Variants in PLXNB1 observed in about 807,000 individuals in gnomAD.
The protein encoded by PLXNB1 is plexin-B1.
PLXNB1 carries 106 observed loss-of-function variants against 209.4 expected under a neutral mutation model. That is an observed-to-expected ratio of 0.51 (90% CI 0.43 to 0.59). The LOEUF is 0.59. PLXNB1 is among the 20% of genes least tolerant of loss of function. The probability of loss-of-function intolerance (pLI) is 0.00; values close to 1 mark genes in which losing one functional copy is unlikely to be tolerated. For missense variants in PLXNB1, 2,357 were observed against 2,853.2 expected (o/e 0.83, Z 3.96); for synonymous variants, 1,167 against 1,183.2 (o/e 0.99, Z 0.28).
Position 48,418,109 on chromosome 3 carries a change from GC to G in PLXNB1, c.3223-48del, listed in dbSNP as rs1280894782. On this transcript the variant is annotated intron_variant, in intron 15 of 37. Coordinates refer to ENST00000296440, the MANE Select transcript of PLXNB1 (RefSeq NM_001130082.3). This position sits in a 1 kb window ranked among gnomAD's most constrained non-coding sequence, Gnocchi z 6.6. ...TCACCTCTACTCAACTGGAAAGGCAGCCCCAACCTCCCACCTTTGGGCCCCC... is the reference window on the plus strand; with the variant it reads ...TCACCTCTACTCAACTGGAAAGGCAGCCCAACCTCCCACCTTTGGGCCCCC... 5 of 1,607,198 alleles carry G rather than the reference GC, an allele frequency of 3.1e-6. No homozygotes were observed. The highest frequency in any genetic ancestry group is 3.4e-6 in the Non-Finnish European group (4 of 1,175,586).
In PLXNB1 at chr3:48,413,966, G is replaced by C. The variant is rs1302106996; in HGVS notation, c.4315C>G (p.Pro1439Ala). 1 of 1,613,554 alleles carries C rather than the reference G, an allele frequency of 6.2e-7. No homozygotes were observed. The highest frequency in any genetic ancestry group is 8.5e-7 in the Non-Finnish European group (1 of 1,179,960). The change falls in exon 22 of 38, where the codon CCC becomes GCC. Residue 1439 changes from proline (P) to alanine (A), a missense_variant. Coordinates refer to ENST00000296440, the MANE Select transcript of PLXNB1 (RefSeq NM_001130082.3). This position sits in a 1 kb window ranked among gnomAD's most constrained non-coding sequence, Gnocchi z 5.4. The stretch of plus-strand genomic sequence containing the variant: ...CGTGGCAGGGGCTGCTCCACGGGGG[G>C]CTCGCAGTACAGGTGGTGCCGCGTC... The part of the protein sequence containing the change: ...TLTRHHLYCE[P>A]PVEQPLPRHH...
intron 7 of PLXNB1, 137 bp from the exon 8 acceptor site, chr3:48,421,521 T>C (rs1211640083): frequency 1.6e-6 from 2 of 1,212,628 alleles, no homozygotes; most frequent in African/African-American, 3.1e-5. Flanking sequence ...TGGCCTGAGT[T>C]AGAAATAGAT....
chr3:48,419,561 C>T lies in PLXNB1; in HGVS notation c.2709+16G>A. The stretch of plus-strand genomic sequence containing the variant: ...CATCCCCTCCCCTGAGGCCTCCTTC[C>T]TGGGCTGGGCCTCACCAGCTCCCAG... On this transcript the variant is annotated intron_variant, in intron 11 of 37. Transcript: ENST00000296440. The surrounding 1 kb of genome is among the most constrained non-coding windows in gnomAD (Gnocchi z 5.7). The T allele has an allele frequency of 1.9e-6, 3 of 1,594,762 alleles. No individual in the cohort carries two copies. Among genetic ancestry groups the T allele is most frequent in the Non-Finnish European group, 2.6e-6 (3 of 1,166,270 alleles).
At chr3:48,408,594 C>G (rs190246245) in intron 34 of PLXNB1, among the ~76,000 whole-genome samples, 1 of 152,272 alleles carries the variant, frequency 6.6e-6, no homozygotes, top group East Asian at 1.9e-4. Flanking sequence ...ACACATCCCT[C>G]AAACTGTGAC....
chr3:48,412,095 T>C, intron 27 of PLXNB1, 86 bp from the exon 28 acceptor site: 2 of 1,526,868 alleles, frequency 1.3e-6, no homozygotes, highest in Admixed American at 1.7e-5. Flanking sequence ...GGACAGGACA[T>C]GGGCTTAAGG....
intron 1 of PLXNB1, among the ~76,000 whole-genome samples, chr3:48,427,071 C>A (rs959067900): frequency 6.6e-6 from 1 of 152,212 alleles, no homozygotes; most frequent in African/African-American, 2.4e-5. Context: ...TCAGAGCCTA[C>A]TGCGTGCCAA....
intron 3 of PLXNB1, 139 bp downstream of exon 3, chr3:48,423,366 G>A (rs1039733535): frequency 8.6e-6 from 8 of 930,264 alleles, no homozygotes; most frequent in Admixed American, 2.5e-5. Flanking sequence ...GGCAACATAG[G>A]AAGCACTTAA....
Position 48,418,867 on chromosome 3 carries a change from T to C in PLXNB1, c.2955+50A>G, listed in dbSNP as rs1267457843. The C allele has an allele frequency of 5.0e-6, 8 of 1,608,268 alleles. No homozygotes were observed. Among genetic ancestry groups the C allele is most frequent in the Non-Finnish European group, 6.8e-6 (8 of 1,176,846 alleles). On this transcript the variant is annotated intron_variant, in intron 13 of 37. Transcript: ENST00000296440. The surrounding 1 kb of genome is among the most constrained non-coding windows in gnomAD (Gnocchi z 6.6). ...AGCCAGCTACAGTTGGCAGCCAGCC[T>C]GTGGCCAGTGCAGTGCACCCGTGCC...
chr3:48,415,399 C>A lies in PLXNB1; in HGVS notation c.3795-52G>T. 6.3e-7 allele frequency: 1 copy of A among 1,575,742 alleles called. No homozygotes were observed. The highest frequency in any genetic ancestry group is 8.7e-7 in the Non-Finnish European group (1 of 1,154,052). On this transcript the variant is annotated intron_variant, in intron 19 of 37. Coordinates refer to ENST00000296440, the MANE Select transcript of PLXNB1 (RefSeq NM_001130082.3). This position sits in a 1 kb window ranked among gnomAD's most constrained non-coding sequence, Gnocchi z 5.0. ...CGTAAGATGGCTTATGTTACCTGGA[C>A]CTAAAGCACAGCCCAGTCCCGGCTA...
In PLXNB1 at chr3:48,409,969, C is replaced by A; in HGVS notation, c.5714G>T (p.Gly1905Val). The change falls in exon 32 of 38, where the codon GGC becomes GTC. Residue 1905 changes from glycine to valine, a missense_variant. By Grantham distance (109) the Gly-to-Val change is moderately radical (BLOSUM62 -3). Coordinates refer to ENST00000296440, the MANE Select transcript of PLXNB1 (RefSeq NM_001130082.3). The surrounding 1 kb of genome is among the most constrained non-coding windows in gnomAD (Gnocchi z 5.8). ...PPRPRRGSLR[G>V]GERERAKAIP... ...GGCCTTGGCGCGCTCACGCTCCCCG[C>A]CCCGAAGGCTGCCCCTCCGAGGCCT... The A allele has an allele frequency of 6.2e-7, 1 of 1,612,726 alleles. No homozygotes were observed. The highest frequency in any genetic ancestry group is 8.5e-7 in the Non-Finnish European group (1 of 1,179,632).
intron 1 of PLXNB1, among the ~76,000 whole-genome samples, chr3:48,428,712 TGAG>T (rs1173007412): frequency 6.6e-6 from 1 of 152,004 alleles, no homozygotes; most frequent in East Asian, 1.9e-4. Context: ...TTCTGTGTGT[TGAG>T]GAGGGGTGGG....
Position 48,405,775 on chromosome 3 carries a change from C to T in PLXNB1, c.6252G>A (p.Ala2084=), listed in dbSNP as rs781248182. The change falls in exon 37 of 38, where the codon GCG becomes GCA. Residue 2084 remains alanine, a synonymous_variant. Transcript: ENST00000296440. This position sits in a 1 kb window ranked among gnomAD's most constrained non-coding sequence, Gnocchi z 5.0. ...LSWNYSGDLG[A]RVALHELYKY... is the part of the protein sequence containing the mutation. The stretch of plus-strand genomic sequence containing the variant: ...TGTAGAGTTCATGCAGGGCCACTCG[C>T]GCCCCGAGGTCTCCGGAGTAGTTCT... The T allele has an allele frequency of 1.5e-5, 25 of 1,613,540 alleles. No individual in the cohort carries two copies. The South Asian group carries it at 1.6e-4, about 11-fold the overall frequency.
At position 48,406,730 on chromosome 3, in the gene PLXNB1, C is replaced by A; in HGVS notation, c.6228+93G>T. 6.7e-7 allele frequency: 1 copy of A among 1,487,704 alleles called. No individual in the cohort carries two copies. Among genetic ancestry groups the A allele is most frequent in the Non-Finnish European group, 9.0e-7 (1 of 1,113,754 alleles). The allele number at this position is 1,487,704 out of a possible 1,614,324, so 92.2% of individuals were successfully genotyped here. A position where few individuals can be genotyped will look rare whatever the true frequency, so the allele number is the denominator to read the frequency against. On this transcript the variant is annotated intron_variant, in intron 36 of 37. Coordinates refer to ENST00000296440, the MANE Select transcript of PLXNB1 (RefSeq NM_001130082.3). This position sits in a 1 kb window ranked among gnomAD's most constrained non-coding sequence, Gnocchi z 4.4. ...CAGCTCACAGGGCTGCTGAGGTTCC[C>A]AAGGGCTTCCCTGCAAAGGGGCAGT... is the stretch of plus-strand genomic sequence containing the variant.
rs939967203 is a variant in PLXNB1 at position 48,413,251 on chromosome 3, C to T, written c.4536-82G>A. 18 of 1,092,510 alleles carry T rather than the reference C, an allele frequency of 1.6e-5. No individual in the cohort carries two copies. The highest frequency in any genetic ancestry group is 1.2e-4 in the African/African-American group (8 of 65,412). The allele number at this position is 1,092,510 out of a possible 1,614,324, so 67.7% of individuals were successfully genotyped here. On this transcript the variant is annotated intron_variant, in intron 23 of 37. Transcript: ENST00000296440. The surrounding 1 kb of genome is among the most constrained non-coding windows in gnomAD (Gnocchi z 5.4). Reference sequence around the variant, plus strand: ...TGCCTGACAATCCCCAGGCACACCCCGGCCTCATCCAGCACAGTCCAATGC... The same window carrying T: ...TGCCTGACAATCCCCAGGCACACCCTGGCCTCATCCAGCACAGTCCAATGC...
At position 48,419,999 on chromosome 3, in the gene PLXNB1, T is replaced by C; in HGVS notation, c.2287A>G (p.Ser763Gly). The change falls in exon 11 of 38, where the codon AGC becomes GGC. Residue 763 changes from serine to glycine, a missense_variant. Ser to Gly is a moderately conservative substitution (Grantham distance 56). Around this residue, in one of 7 missense-constraint regions of PLXNB1, gnomAD observed 410 missense variants for 401.0 expected, o/e 1.02. Transcript: ENST00000296440. The surrounding 1 kb of genome is among the most constrained non-coding windows in gnomAD (Gnocchi z 5.7). ...GCGGTTCCAGGTCCATTTTGGGGGC[T>C]GGGAGGGGAGGGCTCCTCATGGAGA... ...SPLHEEPSPP[S>G]PQNGPGTAVP... 6.3e-7 allele frequency: 1 copy of C among 1,575,520 alleles called. No individual in the cohort carries two copies. The highest frequency in any genetic ancestry group is 8.6e-7 in the Non-Finnish European group (1 of 1,157,996).
Position 48,406,739 on chromosome 3 carries a change from C to G in PLXNB1, c.6228+84G>C. On this transcript the variant is annotated intron_variant, in intron 36 of 37. Transcript: ENST00000296440. The surrounding 1 kb of genome is among the most constrained non-coding windows in gnomAD (Gnocchi z 4.4). Reference sequence around the variant, plus strand: ...GGGCTGCTGAGGTTCCCAAGGGCTTCCCTGCAAAGGGGCAGTGTGAAGGGG... The same window carrying G: ...GGGCTGCTGAGGTTCCCAAGGGCTTGCCTGCAAAGGGGCAGTGTGAAGGGG... The G allele has an allele frequency of 6.7e-7, 1 of 1,499,142 alleles. No individual in the cohort carries two copies. Among genetic ancestry groups the G allele is most frequent in the Non-Finnish European group, 8.9e-7 (1 of 1,118,796 alleles). The allele number at this position is 1,499,142 out of a possible 1,614,324, so 92.9% of individuals were successfully genotyped here. A position where few individuals can be genotyped will look rare whatever the true frequency, so the allele number is the denominator to read the frequency against.
rs1456585249 is a variant in PLXNB1 at position 48,409,548 on chromosome 3, G to C, written c.5939+23C>G. 1 of 1,613,718 alleles carries C rather than the reference G, an allele frequency of 6.2e-7. No homozygotes were observed. The highest frequency in any genetic ancestry group is 1.7e-5 in the Admixed American group (1 of 60,006). On this transcript the variant is annotated intron_variant, in intron 33 of 37. Transcript: ENST00000296440. The surrounding 1 kb of genome is among the most constrained non-coding windows in gnomAD (Gnocchi z 5.8). Reference sequence around the variant, plus strand: ...AGAGAAGACCCCCCACACACACCTAGAGCCCACCCAGCTCCACCCCACCTG... The same window carrying C: ...AGAGAAGACCCCCCACACACACCTACAGCCCACCCAGCTCCACCCCACCTG...
intron 1 of PLXNB1, among the ~76,000 whole-genome samples, chr3:48,426,311 C>T (rs1001493320): frequency 6.6e-6 from 1 of 152,210 alleles, no homozygotes; most frequent in Non-Finnish European, 1.5e-5. Context: ...AACCAAGAAA[C>T]TATGGCAATA....
chr3:48,412,717 G>T (rs759400256), intron 25 of PLXNB1, 25 bp downstream of exon 25: 1 of 1,609,710 alleles, frequency 6.2e-7, no homozygotes. Flanking sequence ...CCAGGGGCAG[G>T]CCAGGAAGAT....
Sources: allele counts gnomAD v4.1 joint callset (sites outside exome capture counted in the v4.1 genomes callset), GRCh38; gene constraint gnomAD v4.1.1; regional missense constraint gnomAD v4.1.1; non-coding constraint Gnocchi (gnomAD v3.1); transcripts MANE v1.5; gene names NCBI Gene and HGNC (gene_info 2026-07-23, HGNC 2026-07-21).